Variants in ATP13A4 observed in about 807,000 individuals in gnomAD.
The protein encoded by ATP13A4 is ATPase 13A4, also known as probable cation-transporting ATPase 13A4.
Under a neutral mutation model 142.5 loss-of-function variants are expected in ATP13A4, and 114 were observed. The ratio of observed to expected loss-of-function variants is 0.80; its 90% CI spans 0.69 to 0.93. The LOEUF is 0.93. Ranked by LOEUF, ATP13A4 falls within the 40% of genes least tolerant of loss-of-function variation. ATP13A4 has a pLI of 0.00. For synonymous variants in ATP13A4, 488 were observed against 514.8 expected (o/e 0.95, Z 0.70); for missense variants, 1,392 against 1,454.0 (o/e 0.96, Z 0.69).
At chr3:193,436,560 G>T (rs576990197) in intron 23 of ATP13A4, among the ~76,000 whole-genome samples, 3 of 151,738 alleles carry the variant, frequency 2.0e-5, no homozygotes, top group African/African-American at 4.8e-5. Flanking sequence ...TGATTCGCCC[G>T]CCTCAGCCTC....
chr3:193,435,798 CAG>C, intron 23 of ATP13A4, 54 bp from the exon 24 acceptor site: 1 of 1,457,684 alleles, frequency 6.9e-7, no homozygotes, highest in East Asian at 2.3e-5. Context: ...GACATAAGGT[CAG>C]TCATTCTGTG....
At chr3:193,572,581 C>T (rs117395719) in intron 2 of ATP13A4, among the ~76,000 whole-genome samples, 1 of 152,118 alleles carries the variant, frequency 6.6e-6, no homozygotes, top group South Asian at 2.1e-4. Context: ...AGTGTCTTAA[C>T]ATTCAATCTG....
chr3:193,554,867 G>T lies in ATP13A4; in HGVS notation c.-68C>A, dbSNP rs918351709. Reference sequence around the variant, plus strand: ...ACGCTTCCAGGATGAACTCCAACTCGCCGAGCCACCGCAGCTCCTCAGCTG... The same window carrying T: ...ACGCTTCCAGGATGAACTCCAACTCTCCGAGCCACCGCAGCTCCTCAGCTG... On this transcript the variant is annotated 5_prime_UTR_variant, in exon 1 of 30. Coordinates refer to ENST00000342695, the MANE Select transcript of ATP13A4 (RefSeq NM_032279.4). 6.2e-7 allele frequency: 1 copy of T among 1,612,856 alleles called. No individual in the cohort carries two copies. Among genetic ancestry groups the T allele is most frequent in the East Asian group, 2.2e-5 (1 of 44,864 alleles).
rs185124792 is a variant in ATP13A4, at chr3:193,500,498, G to A, written c.381+1995C>T. Among the ~76,000 whole-genome samples the A allele has an allele frequency of 1.1e-4, 16 of 152,192 alleles. No homozygotes were observed. The East Asian group carries it at 2.3e-3, about 22-fold the overall frequency. The stretch of plus-strand genomic sequence containing the variant: ...ATTTTTTCACGAATCTTGGGGATGC[G>A]GTGATGGTTTCGGATCATCAGGCAA... On this transcript the variant is annotated intron_variant, in intron 3 of 29. Transcript: ENST00000342695.
rs750798671 is a variant in ATP13A4, at chr3:193,454,113, GT to G, written c.2014del (p.Thr672LeufsTer3). On this transcript the variant is annotated frameshift_variant, in exon 17 of 30. Coordinates refer to ENST00000342695, the MANE Select transcript of ATP13A4 (RefSeq NM_032279.4). LOFTEE classifies it high-confidence loss of function. ...CATCCCCATTTACCTCGTCAAGGTA[GT>G]AGCGTGATGGTCATTTTCCAGCTTC... is the stretch of plus-strand genomic sequence containing the variant. ...YKKLENDHHA[T>X]TLTRETVESD... is the part of the protein sequence containing the mutation. 6.2e-7 allele frequency: 1 copy of G among 1,611,152 alleles called. No individual in the cohort carries two copies. The highest frequency in any genetic ancestry group is 8.5e-7 in the Non-Finnish European group (1 of 1,177,264).
At position 193,439,068 on chromosome 3, in the gene ATP13A4, A is replaced by T; in HGVS notation, c.2520-3T>A. ...CACCACACATACCTACAAAGTAACT[A>T]AGAGGGAACCACATTAATTGTAGAT... On this transcript the variant is annotated splice_polypyrimidine_tract_variant and splice_region_variant and intron_variant, in intron 21 of 29. Transcript: ENST00000342695. 1 of 1,603,416 alleles carries T rather than the reference A, an allele frequency of 6.2e-7. No individual in the cohort carries two copies. Among genetic ancestry groups the T allele is most frequent in the Non-Finnish European group, 8.5e-7 (1 of 1,170,260 alleles).
intron 1 of ATP13A4, among the ~76,000 whole-genome samples, chr3:193,517,820 C>T (rs1404125666): frequency 1.3e-5 from 2 of 152,198 alleles, no homozygotes; most frequent in South Asian, 2.1e-4. Flanking sequence ...TACCTCGCTG[C>T]TCATCCAATC....
At chr3:193,402,948 A>T in intron 29 of ATP13A4, 84 bp from the exon 30 acceptor site, 1 of 1,204,004 alleles carries the variant, frequency 8.3e-7, no homozygotes, top group Admixed American at 1.9e-5. Flanking sequence ...ATAAGTCACT[A>T]CTGCAATGGT....
intron 23 of ATP13A4, 90 bp downstream of exon 23, chr3:193,438,385 A>C: frequency 9.1e-7 from 1 of 1,098,278 alleles, no homozygotes; most frequent in Admixed American, 1.9e-5. Context: ...CAGGGACAGA[A>C]AGTTTCTCTA....
Position 193,421,759 on chromosome 3 carries a change from C to T in ATP13A4, c.2843-7009G>A, listed in dbSNP as rs1272122664. On this transcript the variant is annotated intron_variant, in intron 25 of 29. Coordinates refer to ENST00000342695, the MANE Select transcript of ATP13A4 (RefSeq NM_032279.4). ...TATAATTATAAGATATTTTATGTAG[C>T]TTCATGGTAACTACAAAGCAAAAAG... is the stretch of plus-strand genomic sequence containing the variant. Among the ~76,000 whole-genome samples the T allele has an allele frequency of 3.3e-5, 5 of 149,480 alleles. 1 individual carries two copies. The highest frequency in any genetic ancestry group is 7.4e-5 in the Non-Finnish European group (5 of 67,618).
At chr3:193,471,581 C>CA (rs775659138) in intron 8 of ATP13A4, among the ~76,000 whole-genome samples, 2,371 of 135,624 alleles carry the variant, frequency 0.017, 45 homozygotes, top group African/African-American at 0.05. Context: ...GATCCTGCCT[C>CA]AAAAAAAAAA....
intron 1 of ATP13A4, among the ~76,000 whole-genome samples, chr3:193,516,839 C>T (rs1470670522): frequency 1.3e-5 from 2 of 152,124 alleles, no homozygotes; most frequent in Non-Finnish European, 1.5e-5. Flanking sequence ...TCTTTGTGTT[C>T]ATTGCCAACA....
chr3:193,415,231 T>C (rs1331247104), intron 25 of ATP13A4, among the ~76,000 whole-genome samples: 10 of 152,212 alleles, frequency 6.6e-5, no homozygotes, highest in Non-Finnish European at 1.2e-4. Flanking sequence ...ATCTATACAA[T>C]GGAACAACAT....
At chr3:193,484,072 G>A (rs966586663) in intron 7 of ATP13A4, 67 bp from the exon 8 acceptor site, 15 of 1,352,854 alleles carry the variant, frequency 1.1e-5, no homozygotes, top group Non-Finnish European at 1.6e-5. Context: ...TTATTAAGGT[G>A]CTAGGCTTCT....
In ATP13A4 at chr3:193,470,936, G is replaced by A; in HGVS notation, c.866C>T (p.Thr289Ile). 2 of 1,614,132 alleles carry A rather than the reference G, an allele frequency of 1.2e-6. 1 individual carries two copies. The highest frequency in any genetic ancestry group is 2.2e-5 in the South Asian group (2 of 91,082). ...ACATGGCATTAGCACTTTGTTCCCT[G>A]TCAAAATTAATAAATCTCCAGGCAC... is the stretch of plus-strand genomic sequence containing the variant. The part of the protein sequence containing the change: ...VLVPGDLLIL[T>I]GNKVLMPCDA... The change falls in exon 9 of 30, where the codon ACA becomes ATA. Residue 289 changes from threonine (T) to isoleucine (I), a missense_variant. Transcript: ENST00000342695.
chr3:193,571,131 A>C (rs956598721), intron 2 of ATP13A4, among the ~76,000 whole-genome samples: 4 of 152,124 alleles, frequency 2.6e-5, no homozygotes, highest in Non-Finnish European at 5.9e-5. Flanking sequence ...TACAAAAATT[A>C]GCCGGGCATG....
intron 2 of ATP13A4, among the ~76,000 whole-genome samples, chr3:193,569,091 T>C (rs970540908): frequency 6.6e-5 from 10 of 152,228 alleles, no homozygotes; most frequent in African/African-American, 2.2e-4. Flanking sequence ...GAGATTTGAC[T>C]GACACTATGT....
intron 2 of ATP13A4, among the ~76,000 whole-genome samples, chr3:193,567,948 C>CTCTCT (rs1553861681): frequency 6.6e-6 from 1 of 151,784 alleles, no homozygotes; most frequent in African/African-American, 2.4e-5. Flanking sequence ...CCACCACTTT[C>CTCTCT]TTTCTTTTCT....
At chr3:193,525,085 C>A (rs974328067) in intron 1 of ATP13A4, among the ~76,000 whole-genome samples, 3 of 152,180 alleles carry the variant, frequency 2.0e-5, no homozygotes, top group African/African-American at 7.2e-5. Flanking sequence ...ATTGCTGAAT[C>A]CCTAGCACAT....
Sources: gnomAD v4.1 joint callset for allele counts (sites outside exome capture counted in the v4.1 genomes callset) on GRCh38, gnomAD v4.1.1 for gene constraint, MANE v1.5 for transcripts, NCBI Gene and HGNC (gene_info 2026-07-23, HGNC 2026-07-21) for gene names.